Variants in DAP observed in about 807,000 individuals in gnomAD.
DAP encodes death-associated protein 1.
A neutral mutation model predicts 13.8 loss-of-function variants in DAP; 8 were observed. That is an observed-to-expected ratio of 0.58 (90% CI 0.34 to 1.05). DAP has a LOEUF of 1.05. DAP is among the 50% of genes least tolerant of loss of function. The pLI is 0.03. For missense variants in DAP, 106 were observed against 133.2 expected (o/e 0.80, Z 1.01); for synonymous variants, 47 against 47.5 (o/e 0.99, Z 0.04).
At chr5:10,736,509 G>A (rs1178937090) in intron 2 of DAP, among the ~76,000 whole-genome samples, 1 of 152,212 alleles carries the variant, frequency 6.6e-6, no homozygotes, top group African/African-American at 2.4e-5. Flanking sequence ...CACACGCAGC[G>A]GATGCTGCCA....
intron 2 of DAP, among the ~76,000 whole-genome samples, chr5:10,709,155 T>G (rs1015945905): frequency 6.6e-6 from 1 of 152,240 alleles, no homozygotes. Flanking sequence ...ATAATCTGGA[T>G]TTTTAAAAAG....
In DAP at chr5:10,754,422, T is replaced by A. The variant is rs555075194; in HGVS notation, c.56-6151A>T. Among the ~76,000 whole-genome samples the A allele has an allele frequency of 1.8e-4, 27 of 152,342 alleles. No individual in the cohort carries two copies. In the South Asian group the frequency reaches 5.4e-3, roughly 30 times the overall value. ...ACTCTCGTTGGCTTCATACTGCTAT[T>A]CTGTGCTCAGAATCATAGACTGTGA... On this transcript the variant is annotated intron_variant, in intron 1 of 3. Coordinates refer to ENST00000230895, the MANE Select transcript of DAP (RefSeq NM_004394.3).
intron 2 of DAP, among the ~76,000 whole-genome samples, chr5:10,688,811 C>T (rs897396781): frequency 6.6e-6 from 1 of 152,162 alleles, no homozygotes. Context: ...GACGCAGAGG[C>T]GCCATCCAGC....
chr5:10,708,317 GAC>G lies in DAP; in HGVS notation c.153-24748_153-24747del, dbSNP rs3842029. Among the ~76,000 whole-genome samples, 163 of 151,244 alleles carry G rather than the reference GAC, an allele frequency of 1.1e-3. 2 individuals carry two copies. The East Asian group carries it at 0.03, about 27-fold the overall frequency. On this transcript the variant is annotated intron_variant, in intron 2 of 3. Transcript: ENST00000230895. ...GCACACACACACATAGAGACACACA[GAC>G]ACAGACACACACATATACACACACA...
At chr5:10,752,664 C>A (rs956169431) in intron 1 of DAP, among the ~76,000 whole-genome samples, 14 of 152,040 alleles carry the variant, frequency 9.2e-5, no homozygotes, top group African/African-American at 2.9e-4. Flanking sequence ...GTGCATGTGC[C>A]TGTGCATAAG....
intron 2 of DAP, among the ~76,000 whole-genome samples, chr5:10,694,831 AG>A (rs1738394453): frequency 6.6e-6 from 1 of 152,168 alleles, no homozygotes; most frequent in Non-Finnish European, 1.5e-5. Context: ...CGGGAAAAGC[AG>A]TCTCCTCAGG....
intron 2 of DAP, among the ~76,000 whole-genome samples, chr5:10,733,155 CGTGTGTGTGTGTGTGTGTGTGT>C (rs55645932): frequency 7.7e-4 from 99 of 128,482 alleles, no homozygotes; most frequent in South Asian, 2.4e-3. Context: ...AATATTCCTG[CGTGTGTGTGTGTGTGTGTGTGT>C]GTGTGTGTGT....
intron 2 of DAP, among the ~76,000 whole-genome samples, chr5:10,702,956 C>G (rs1348575340): frequency 1.3e-5 from 2 of 152,250 alleles, no homozygotes; most frequent in East Asian, 3.8e-4. Flanking sequence ...CATAAACGAT[C>G]TGGCATGCCT....
chr5:10,684,433 G>A (rs963924133), intron 2 of DAP, among the ~76,000 whole-genome samples: 14 of 152,128 alleles, frequency 9.2e-5, no homozygotes, highest in Admixed American at 2.0e-4. Context: ...CTAAACTGCC[G>A]AGTATTGAGG....
chr5:10,744,844 G>A (rs1350590240), intron 2 of DAP, among the ~76,000 whole-genome samples: 4 of 152,108 alleles, frequency 2.6e-5, no homozygotes, highest in Admixed American at 6.5e-5. Flanking sequence ...GTGGAGCAGC[G>A]TAAGGAATCC....
At chr5:10,699,383 C>A (rs1020884991) in intron 2 of DAP, among the ~76,000 whole-genome samples, 2 of 152,256 alleles carry the variant, frequency 1.3e-5, no homozygotes, top group Admixed American at 1.3e-4. Flanking sequence ...CACTAACAGG[C>A]ATTTGGTGTT....
rs5745300 is a variant in DAP at position 10,679,951 on chromosome 5, G to A, written c.*1105C>T. On this transcript the variant is annotated 3_prime_UTR_variant, in exon 4 of 4. Coordinates refer to ENST00000230895, the MANE Select transcript of DAP (RefSeq NM_004394.3). ...CTAGGTGAACCCTCTGGCTTTTCGA[G>A]GACGCAGGGTACCCTACTGCCACCA... 13,436 of 152,428 alleles carry A rather than the reference G, an allele frequency of 0.088. 838 individuals carry two copies. The highest frequency in any genetic ancestry group is 0.17 in the African/African-American group (6,999 of 41,520). 9.4% of individuals were successfully genotyped at this position (152,428 alleles called of 1,614,324 possible). A position where few individuals can be genotyped will look rare whatever the true frequency, so the allele number is the denominator to read the frequency against.
chr5:10,748,553 C>T (rs1248791027), intron 1 of DAP, among the ~76,000 whole-genome samples: 9 of 152,228 alleles, frequency 5.9e-5, no homozygotes, highest in Non-Finnish European at 1.0e-4. Context: ...AGCAGTGTAA[C>T]GAGGGCACAA....
intron 2 of DAP, among the ~76,000 whole-genome samples, chr5:10,721,894 C>T (rs1739153569): frequency 6.6e-6 from 1 of 152,104 alleles, no homozygotes; most frequent in African/African-American, 2.4e-5. Context: ...ATTTCCTTTT[C>T]CTTTATTGTG....
intron 2 of DAP, among the ~76,000 whole-genome samples, chr5:10,717,359 G>C (rs1187732565): frequency 6.6e-6 from 1 of 152,192 alleles, no homozygotes; most frequent in African/African-American, 2.4e-5. Flanking sequence ...GCCTCGCCAG[G>C]TGTCTACTGT....
chr5:10,738,762 T>A (rs1739679802), intron 2 of DAP, among the ~76,000 whole-genome samples: 1 of 152,358 alleles, frequency 6.6e-6, no homozygotes, highest in South Asian at 2.1e-4. Flanking sequence ...CACTACTGTT[T>A]CAATGTTAGT....
At chr5:10,754,470 C>T (rs1289866360) in intron 1 of DAP, among the ~76,000 whole-genome samples, 1 of 152,320 alleles carries the variant, frequency 6.6e-6, no homozygotes, top group East Asian at 1.9e-4. Context: ...TCTTAAATTA[C>T]ACGGAGCAAC....
Position 10,727,968 on chromosome 5 carries a change from GA to G in DAP, c.152+20206del, listed in dbSNP as rs1014214023. Among the ~76,000 whole-genome samples the G allele has an allele frequency of 7.9e-5, 12 of 151,896 alleles. 1 individual carries two copies. Among genetic ancestry groups the G allele is most frequent in the Non-Finnish European group, 1.6e-4 (11 of 67,948 alleles). On this transcript the variant is annotated intron_variant, in intron 2 of 3. Transcript: ENST00000230895. Reference sequence around the variant, plus strand: ...TGTATTGTTTGGGGAACAGTGACAAGAAAAAAAAGTCTGTACCTGTTCAGTA... The same window carrying G: ...TGTATTGTTTGGGGAACAGTGACAAGAAAAAAAGTCTGTACCTGTTCAGTA...
chr5:10,689,075 T>C (rs1179527823), intron 2 of DAP, among the ~76,000 whole-genome samples: 1 of 152,122 alleles, frequency 6.6e-6, no homozygotes, highest in African/African-American at 2.4e-5. Context: ...GTCTCCTGCA[T>C]TGATCACGAC....
Sources: gnomAD v4.1 joint callset for allele counts (sites outside exome capture counted in the v4.1 genomes callset) on GRCh38, gnomAD v4.1.1 for gene constraint, MANE v1.5 for transcripts, NCBI Gene and HGNC (gene_info 2026-07-23, HGNC 2026-07-21) for gene names.